Variants in ELF1 observed in about 807,000 individuals in gnomAD.
ELF1 encodes E74 like ETS transcription factor 1.
In ELF1, 24 loss-of-function variants were observed where a neutral mutation model predicts 59.9. The ratio of observed to expected loss-of-function variants is 0.40; its 90% CI spans 0.29 to 0.56. The LOEUF is 0.56. ELF1 is among the 20% of genes least tolerant of loss of function. ELF1 has a pLI of 0.44. For synonymous variants in ELF1, 248 were observed against 266.2 expected (o/e 0.93, Z 0.67); for missense variants, 627 against 742.2 (o/e 0.84, Z 1.80).
At chr13:41,025,400 G>C (rs1260480370) in intron 1 of ELF1, among the ~76,000 whole-genome samples, 1 of 152,174 alleles carries the variant, frequency 6.6e-6, no homozygotes, top group Non-Finnish European at 1.5e-5. Flanking sequence ...TCGCAGAACT[G>C]AAAGAGACCT....
chr13:41,037,307 A>G (rs1782406186), intron 1 of ELF1, among the ~76,000 whole-genome samples: 1 of 152,188 alleles, frequency 6.6e-6, no homozygotes, highest in Non-Finnish European at 1.5e-5. Context: ...CTAGATCTCA[A>G]GAATCACCCA....
At position 40,982,108 on chromosome 13, in the gene ELF1, A is replaced by G. The variant is rs1402233972; in HGVS notation, c.-54T>C. The G allele has an allele frequency of 3.8e-6, 6 of 1,591,070 alleles. No homozygotes were observed. The highest frequency in any genetic ancestry group is 2.7e-5 in the African/African-American group (2 of 74,056). On this transcript the variant is annotated 5_prime_UTR_variant, in exon 2 of 9. Coordinates refer to ENST00000239882, the MANE Select transcript of ELF1 (RefSeq NM_172373.4). ...AGAAAAATTCCAAGAAGATTCACGT[A>G]TCAGGCAGCAAAATCCAGTGACTGA...
intron 3 of ELF1, among the ~76,000 whole-genome samples, 179 bp downstream of exon 3, chr13:40,958,657 A>G (rs1403698286): frequency 1.3e-5 from 2 of 152,232 alleles, no homozygotes; most frequent in East Asian, 1.9e-4. Flanking sequence ...ACAAAACAGT[A>G]CTAAATCCAG....
At chr13:40,954,717 C>T (rs936929235) in intron 3 of ELF1, among the ~76,000 whole-genome samples, 5 of 151,882 alleles carry the variant, frequency 3.3e-5, no homozygotes, top group African/African-American at 1.2e-4. Context: ...CCCGAGGTGC[C>T]GGGATGGCAG....
intron 1 of ELF1, chr13:40,993,216 G>C: frequency 2.6e-6 from 4 of 1,557,678 alleles, no homozygotes; most frequent in Non-Finnish European, 3.5e-6. Flanking sequence ...CAGTGAGGCA[G>C]GAGCAGCTGC....
At chr13:40,988,254 T>TA (rs968011030) in intron 1 of ELF1, among the ~76,000 whole-genome samples, 1 of 152,190 alleles carries the variant, frequency 6.6e-6, no homozygotes, top group African/African-American at 2.4e-5. Flanking sequence ...AAGGATTACC[T>TA]AGGACAACAT....
At chr13:40,981,446 T>C (rs1437483255) in intron 2 of ELF1, among the ~76,000 whole-genome samples, 4 of 152,106 alleles carry the variant, frequency 2.6e-5, no homozygotes, top group South Asian at 2.1e-4. Context: ...GCACATCTTA[T>C]ATAAATTCAC....
At chr13:40,954,595 G>T (rs1313768654) in intron 3 of ELF1, among the ~76,000 whole-genome samples, 1 of 152,216 alleles carries the variant, frequency 6.6e-6, no homozygotes, top group South Asian at 2.1e-4. Flanking sequence ...TTGCAGGCGC[G>T]CGCCGCCACG....
chr13:41,053,654 T>C (rs1279432718), intron 1 of ELF1, among the ~76,000 whole-genome samples: 1 of 152,238 alleles, frequency 6.6e-6, no homozygotes, highest in Non-Finnish European at 1.5e-5. Context: ...AAGATATTTA[T>C]AACATTATTG....
At chr13:41,020,804 G>A (rs117117055), upstream of ELF1, among the ~76,000 whole-genome samples, 1,382 of 152,064 alleles carry the variant, frequency 9.1e-3, 16 homozygotes, top group East Asian at 0.049. Context: ...GTTCCCCCCA[G>A]GTAATTTTCC....
At chr13:41,056,414 G>A (rs1877288659) in intron 1 of ELF1, among the ~76,000 whole-genome samples, 1 of 152,072 alleles carries the variant, frequency 6.6e-6, no homozygotes, top group Admixed American at 6.5e-5. Flanking sequence ...TCTACTTTTT[G>A]CTTATGAATA....
At chr13:41,040,822 T>A (rs1876576860) in intron 1 of ELF1, among the ~76,000 whole-genome samples, 1 of 152,154 alleles carries the variant, frequency 6.6e-6, no homozygotes, top group East Asian at 1.9e-4. Context: ...TTAACAGTAC[T>A]TACTCTGGCT....
chr13:41,029,562 T>C (rs1876083135), intron 1 of ELF1, among the ~76,000 whole-genome samples: 1 of 152,144 alleles, frequency 6.6e-6, no homozygotes, highest in Non-Finnish European at 1.5e-5. Flanking sequence ...TTATGTTTTC[T>C]GGAGAGACGA....
At chr13:40,980,539 T>C (rs1873196691) in intron 2 of ELF1, among the ~76,000 whole-genome samples, 1 of 152,154 alleles carries the variant, frequency 6.6e-6, no homozygotes, top group Non-Finnish European at 1.5e-5. Context: ...TGTAGACACA[T>C]GTATGAATAT....
intron 1 of ELF1, among the ~76,000 whole-genome samples, chr13:41,049,296 C>G (rs1227348208): frequency 2.0e-5 from 3 of 152,156 alleles, no homozygotes. Context: ...TACACTTTAC[C>G]ATATGAACAG....
At position 40,943,857 on chromosome 13, in the gene ELF1, T is replaced by G. The variant is rs1419320696; in HGVS notation, c.598A>C (p.Asn200His). The G allele has an allele frequency of 6.2e-7, 1 of 1,613,744 alleles. No individual in the cohort carries two copies. Among genetic ancestry groups the G allele is most frequent in the Non-Finnish European group, 8.5e-7 (1 of 1,179,772 alleles). Residue 200 changes from asparagine (N) to histidine (H), a missense_variant, in exon 6 of 9, where the codon AAC (asparagine) becomes CAC (histidine). Asn to His is a moderately conservative substitution (Grantham distance 68). This residue lies in a region of ELF1 where 232 missense variants were observed against 269.2 expected (regional missense o/e 0.86). Coordinates refer to ENST00000239882, the MANE Select transcript of ELF1 (RefSeq NM_172373.4). ...ACAGTAGTACCCTTTCCATCTTTGT[T>G]TTTCTTCTTCACAGATATATTTGGC... ...TTPNISVKKK[N>H]KDGKGNTIYL...
intron 1 of ELF1, among the ~76,000 whole-genome samples, chr13:40,990,328 T>C (rs547251310): frequency 2.0e-5 from 3 of 152,222 alleles, no homozygotes; most frequent in East Asian, 1.9e-4. Flanking sequence ...TGGAGGATTA[T>C]TGTAATTATT....
At position 41,060,888 on chromosome 13, in the gene ELF1, C is replaced by T. The variant is rs1019006516; in HGVS notation, c.-279G>A. 2.3e-5 allele frequency: 8 copies of T among 341,326 alleles called. 3 individuals are homozygous for T. Among genetic ancestry groups the T allele is most frequent in the Non-Finnish European group, 4.0e-5 (7 of 174,392 alleles). 21.1% of individuals were successfully genotyped at this position (341,326 alleles called of 1,614,324 possible). A position where few individuals can be genotyped will look rare whatever the true frequency, so the allele number is the denominator to read the frequency against. On this transcript the variant is annotated 5_prime_UTR_variant, in exon 1 of 2. Coordinates refer to the ELF1 transcript ENST00000405737. ...CCTTCGCCGCACCTCTCGCCACCGC[C>T]GCCTCTGCGCTACTGAAGCTGCTGC...
chr13:41,032,143 A>G (rs184644314), intron 1 of ELF1, among the ~76,000 whole-genome samples: 223 of 152,040 alleles, frequency 1.5e-3, no homozygotes, highest in Middle Eastern at 0.01. Context: ...AAGCAATATC[A>G]TAGAAGGCAA....
Sources: gnomAD v4.1 joint callset for allele counts (sites outside exome capture counted in the v4.1 genomes callset) on GRCh38, gnomAD v4.1.1 for gene constraint, gnomAD v4.1.1 regional missense constraint, MANE v1.5 for transcripts, NCBI Gene and HGNC (gene_info 2026-07-23, HGNC 2026-07-21) for gene names.